Variants in SP2 observed in about 807,000 individuals in gnomAD.
SP2 encodes the protein transcription factor Sp2.
A neutral mutation model predicts 50.1 loss-of-function variants in SP2; 9 were observed. The observed-to-expected ratio is 0.18, with a 90% CI of 0.11 to 0.31. The LOEUF (loss-of-function observed/expected upper bound fraction) is 0.31, where lower values mean the gene tolerates loss of function less well. Ranked by LOEUF, SP2 falls within the 10% of genes least tolerant of loss-of-function variation. SP2 has a pLI of 1.00. For synonymous variants in SP2, 313 were observed against 326.6 expected, an observed-to-expected ratio of 0.96 and a Z score of 0.45; for missense variants, 581 against 806.5, an observed-to-expected ratio of 0.72 and a Z score of 3.39.
At chr17:47,902,283 G>A (rs1434291158) in intron 1 of SP2, among the ~76,000 whole-genome samples, 1 of 152,184 alleles carries the variant, frequency 6.6e-6, no homozygotes, top group East Asian at 1.9e-4. Context: ...AGAGTGACAG[G>A]GCAGGTGAAA....
At chr17:47,896,770 CAG>C (rs2034355296) in intron 1 of SP2, among the ~76,000 whole-genome samples, 1 of 152,148 alleles carries the variant, frequency 6.6e-6, no homozygotes, top group Non-Finnish European at 1.5e-5. Context: ...CCCCGGAGAA[CAG>C]AGAGGGGCGA....
chr17:47,929,146 A>G (rs2035765880), downstream of SP2, among the ~76,000 whole-genome samples: 1 of 152,258 alleles, frequency 6.6e-6, no homozygotes, highest in Non-Finnish European at 1.5e-5. Context: ...TGACACTGGC[A>G]CGAGCCCCCA....
chr17:47,924,886 C>A, intron 4 of SP2, 33 bp from the exon 5 acceptor site: 1 of 1,537,950 alleles, frequency 6.5e-7, no homozygotes, highest in Non-Finnish European at 8.8e-7. Flanking sequence ...CAGGCTTCCT[C>A]ACCCTGAACT....
In SP2 at chr17:47,916,144, GT is replaced by G; in HGVS notation, c.85-5del. ...TCCTGTCTCACTCCTTTTCTCTGCT[GT>G]TTTTTTGCAGGACTCCCAGCCATCT... is the stretch of plus-strand genomic sequence containing the variant. On this transcript the variant is annotated splice_polypyrimidine_tract_variant and intron_variant, in intron 2 of 6. Coordinates refer to ENST00000376741, the MANE Select transcript of SP2 (RefSeq NM_003110.6). The surrounding 1 kb of genome is among the most constrained non-coding windows in gnomAD (Gnocchi z 4.7). 6.3e-7 allele frequency: 1 copy of G among 1,590,128 alleles called. No homozygotes were observed. Among genetic ancestry groups the G allele is most frequent in the Non-Finnish European group, 8.6e-7 (1 of 1,166,892 alleles).
At chr17:47,907,073 G>A (rs1009947276) in intron 1 of SP2, among the ~76,000 whole-genome samples, 5 of 152,108 alleles carry the variant, frequency 3.3e-5, no homozygotes, top group African/African-American at 1.2e-4. Context: ...AGGGGCTATT[G>A]GATTGAGCAG....
chr17:47,919,000 A>AGT (rs2035325611), intron 3 of SP2, among the ~76,000 whole-genome samples: 1 of 56,760 alleles, frequency 1.8e-5, no homozygotes, highest in South Asian at 9.3e-4. Flanking sequence ...TTCAGATGCA[A>AGT]ATACACACAC....
At chr17:47,930,546 G>A (rs1006726045), downstream of SP2, among the ~76,000 whole-genome samples, 1 of 152,194 alleles carries the variant, frequency 6.6e-6, no homozygotes, top group African/African-American at 2.4e-5. Flanking sequence ...GGCTAAGAGC[G>A]AGAGAATGTA....
chr17:47,915,203 A>C, intron 1 of SP2, 109 bp from the exon 2 acceptor site: 1 of 769,242 alleles, frequency 1.3e-6, no homozygotes. Context: ...ACAAGAGCAA[A>C]AATTCCGTCT....
chr17:47,902,762 T>C (rs2034591297), intron 1 of SP2, among the ~76,000 whole-genome samples: 1 of 152,082 alleles, frequency 6.6e-6, no homozygotes, highest in Non-Finnish European at 1.5e-5. Flanking sequence ...TTTTGTTTTG[T>C]TTTGTTTTTT....
chr17:47,926,396 T>C (rs1401698754), intron 6 of SP2, among the ~76,000 whole-genome samples: 1 of 151,488 alleles, frequency 6.6e-6, no homozygotes, highest in African/African-American at 2.4e-5. Flanking sequence ...CACTGTAGTG[T>C]TGAACTCCTG....
chr17:47,931,539 C>T (rs181280360), downstream of SP2, among the ~76,000 whole-genome samples: 434 of 152,224 alleles, frequency 2.9e-3, no homozygotes, highest in African/African-American at 1.0e-2. Context: ...GAAAGCTGTC[C>T]TGGTCTGAGT....
downstream of SP2, among the ~76,000 whole-genome samples, chr17:47,931,646 A>G (rs1057028211): frequency 2.0e-5 from 3 of 152,190 alleles, no homozygotes; most frequent in African/African-American, 7.2e-5. Flanking sequence ...ACACCCAGAA[A>G]TTGGGCCAAA....
At position 47,925,079 on chromosome 17, in the gene SP2, G is replaced by A. The variant is rs147788812; in HGVS notation, c.1533G>A (p.Lys511=). 18 of 1,610,406 alleles carry A rather than the reference G, an allele frequency of 1.1e-5. No individual in the cohort carries two copies. The highest frequency in any genetic ancestry group is 3.3e-4 in the Middle Eastern group (2 of 6,046). ...RRMACTCPNC[K]DGEKRSGEQG... ...TGGCCTGCACGTGTCCCAACTGCAA[G>A]GATGGGGAGAAGAGGTAATTCAAGG... is the stretch of plus-strand genomic sequence containing the variant. The change falls in exon 5 of 7, where the codon AAG becomes AAA. Residue 511 remains lysine, a synonymous_variant. Coordinates refer to ENST00000376741, the MANE Select transcript of SP2 (RefSeq NM_003110.6).
intron 3 of SP2, 80 bp downstream of exon 3, chr17:47,917,210 T>C (rs2035247545): frequency 1.4e-6 from 2 of 1,413,320 alleles, no homozygotes; most frequent in Non-Finnish European, 1.9e-6. Flanking sequence ...ATGCTGGTCA[T>C]CTCCCAGCTT....
chr17:47,906,448 G>A (rs1031375110), intron 1 of SP2, among the ~76,000 whole-genome samples: 6 of 152,164 alleles, frequency 3.9e-5, no homozygotes, highest in Non-Finnish European at 7.4e-5. Context: ...GGGAGCCCTC[G>A]CATACATTGG....
chr17:47,925,335 C>T lies in SP2; in HGVS notation c.1548-13C>T. The T allele has an allele frequency of 6.2e-7, 1 of 1,608,032 alleles. No homozygotes were observed. The highest frequency in any genetic ancestry group is 8.5e-7 in the Non-Finnish European group (1 of 1,176,136). ...TCCTATTCCCTCCACTCCACCCTCA[C>T]CCCAATTCTCAGGTCTGGAGAGCAG... On this transcript the variant is annotated splice_polypyrimidine_tract_variant and intron_variant, in intron 5 of 6. Transcript: ENST00000376741.
chr17:47,925,363 CAAG>C lies in SP2; in HGVS notation c.1570_1572del (p.Lys524del). ...CAATTCTCAGGTCTGGAGAGCAGGGCAAGAAGAAGCACGTGTGCCACATCCCCG... is the reference window on the plus strand; with the variant it reads ...CAATTCTCAGGTCTGGAGAGCAGGGCAAGAAGCACGTGTGCCACATCCCCG... On this transcript the variant is annotated inframe_deletion, in exon 6 of 7. Coordinates refer to ENST00000376741, the MANE Select transcript of SP2 (RefSeq NM_003110.6). The C allele has an allele frequency of 6.2e-7, 1 of 1,613,468 alleles. No individual in the cohort carries two copies. Among genetic ancestry groups the C allele is most frequent in the African/African-American group, 1.3e-5 (1 of 75,070 alleles).
At chr17:47,898,960 A>G (rs929242154) in intron 1 of SP2, 5 of 152,258 alleles carry the variant, frequency 3.3e-5, no homozygotes, top group African/African-American at 1.2e-4. Flanking sequence ...CCCAGCACCT[A>G]CAGGCTGAAC....
At chr17:47,929,124 A>C (rs1394138020), downstream of SP2, among the ~76,000 whole-genome samples, 1 of 152,236 alleles carries the variant, frequency 6.6e-6, no homozygotes, top group Non-Finnish European at 1.5e-5. Context: ...GGCCGCGGCC[A>C]CATATACCTC....
Sources: gnomAD v4.1 joint callset for allele counts (sites outside exome capture counted in the v4.1 genomes callset) on GRCh38, gnomAD v4.1.1 for gene constraint, Gnocchi (gnomAD v3.1) non-coding constraint, MANE v1.5 for transcripts, NCBI Gene and HGNC (gene_info 2026-07-23, HGNC 2026-07-21) for gene names.